The following PHKB variants were observed in gnomAD, a reference collection of about 807,000 sequenced individuals.
The protein encoded by PHKB is phosphorylase kinase regulatory subunit beta, also known as phosphorylase b kinase regulatory subunit beta.
Under a neutral mutation model 152.1 loss-of-function variants are expected in PHKB, and 122 were observed. The ratio of observed to expected loss-of-function variants is 0.80; its 90% CI spans 0.69 to 0.93. The LOEUF (loss-of-function observed/expected upper bound fraction) is 0.93. Ranked by LOEUF, PHKB falls within the 40% of genes least tolerant of loss-of-function variation. PHKB has a pLI of 0.00. For synonymous variants in PHKB, 436 were observed against 464.9 expected (o/e 0.94, Z 0.80); for missense variants, 1,304 against 1,328.4 (o/e 0.98, Z 0.29).
chr16:47,646,544 AC>A (rs1321535971), intron 16 of PHKB, among the ~76,000 whole-genome samples: 18 of 144,588 alleles, frequency 1.2e-4, no homozygotes, highest in African/African-American at 2.6e-4. Flanking sequence ...AAAAAAAAAA[AC>A]ATTAAAAATA....
intron 14 of PHKB, among the ~76,000 whole-genome samples, chr16:47,638,723 G>A (rs902089121): frequency 1.3e-5 from 2 of 152,192 alleles, no homozygotes; most frequent in African/African-American, 2.4e-5. Context: ...GGGACATTGT[G>A]TCATATTCGT....
At chr16:47,499,183 A>G (rs553827721) in intron 2 of PHKB, among the ~76,000 whole-genome samples, 4 of 152,316 alleles carry the variant, frequency 2.6e-5, no homozygotes, top group Non-Finnish European at 4.4e-5. Context: ...CCTAACCTGT[A>G]CAATAAAGTA....
Position 47,463,953 on chromosome 16 carries a change from T to A in PHKB, c.76+2527T>A, listed in dbSNP as rs1392358749. 2 of 1,613,922 alleles carry A rather than the reference T, an allele frequency of 1.2e-6. No individual in the cohort carries two copies. The highest frequency in any genetic ancestry group is 1.7e-6 in the Non-Finnish European group (2 of 1,179,858). On this transcript the variant is annotated intron_variant, in intron 1 of 30. Coordinates refer to ENST00000323584, the MANE Select transcript of PHKB (RefSeq NM_000293.3). ...AACAATTTGAAATGGCCTGCTCACC[T>A]GATGCAGTCGTCTCTCCGTCTTCCG...
intron 14 of PHKB, among the ~76,000 whole-genome samples, chr16:47,639,919 C>T (rs1474322432): frequency 6.6e-6 from 1 of 152,060 alleles, no homozygotes; most frequent in Non-Finnish European, 1.5e-5. Flanking sequence ...AGTTTTTTCT[C>T]ACCCTTTTGG....
At chr16:47,559,695 G>T (rs72800664) in intron 7 of PHKB, among the ~76,000 whole-genome samples, 4,450 of 152,246 alleles carry the variant, frequency 0.029, 141 homozygotes, top group East Asian at 0.095. Context: ...AGAGAGTTAG[G>T]TGGGAGCTGT....
chr16:47,631,090 C>A (rs1972817766), intron 14 of PHKB, among the ~76,000 whole-genome samples: 1 of 152,114 alleles, frequency 6.6e-6, no homozygotes, highest in South Asian at 2.1e-4. Flanking sequence ...TTGCCTGCCT[C>A]CGTAATTGTG....
chr16:47,598,934 G>C (rs2151703085), intron 13 of PHKB: 1 of 1,565,430 alleles, frequency 6.4e-7, no homozygotes, highest in East Asian at 2.2e-5. Flanking sequence ...AATATTCTTA[G>C]CCTCTCATGT....
intron 14 of PHKB, among the ~76,000 whole-genome samples, chr16:47,639,003 A>G (rs920072315): frequency 6.6e-6 from 1 of 152,144 alleles, no homozygotes; most frequent in African/African-American, 2.4e-5. Flanking sequence ...TGCTGGATGC[A>G]GTGGCTCACA....
At chr16:47,525,341 A>AG (rs1392062065) in intron 6 of PHKB, among the ~76,000 whole-genome samples, 1 of 152,226 alleles carries the variant, frequency 6.6e-6, no homozygotes, top group East Asian at 1.9e-4. Context: ...TTCTTCAATA[A>AG]GGCAGAGCAT....
chr16:47,522,698 C>CAA, intron 6 of PHKB, among the ~76,000 whole-genome samples: 1 of 151,910 alleles, frequency 6.6e-6, no homozygotes, highest in South Asian at 2.1e-4. Context: ...TTTCCCTCTA[C>CAA]TTATCTGCAT....
intron 20 of PHKB, among the ~76,000 whole-genome samples, chr16:47,654,271 A>C (rs1973292223): frequency 6.6e-6 from 1 of 152,232 alleles, no homozygotes; most frequent in African/African-American, 2.4e-5. Context: ...CACACCAGTT[A>C]AAATGGCGAT....
chr16:47,562,888 G>T (rs1971499884), intron 7 of PHKB, among the ~76,000 whole-genome samples: 1 of 152,272 alleles, frequency 6.6e-6, no homozygotes, highest in African/African-American at 2.4e-5. Flanking sequence ...TATCAGCTAA[G>T]TATGTGAAGC....
chr16:47,598,825 T>G, intron 13 of PHKB: 1 of 1,603,734 alleles, frequency 6.2e-7, no homozygotes, highest in Non-Finnish European at 8.5e-7. Flanking sequence ...TGGTTCCGCT[T>G]TAACCATAGC....
intron 1 of PHKB, among the ~76,000 whole-genome samples, chr16:47,480,686 C>T (rs1180852970): frequency 6.6e-6 from 1 of 152,068 alleles, no homozygotes; most frequent in Non-Finnish European, 1.5e-5. Context: ...GTCATAACTC[C>T]AGTTTTCATT....
chr16:47,665,285 CTTTTGAGGG>C, intron 25 of PHKB: 1 of 325,840 alleles, frequency 3.1e-6, no homozygotes, highest in African/African-American at 2.2e-5. Flanking sequence ...AGAATTTTTA[CTTTTGAGGG>C]AAAAAAATTG....
intron 28 of PHKB, among the ~76,000 whole-genome samples, chr16:47,695,940 G>A (rs1395711100): frequency 6.6e-6 from 1 of 151,568 alleles, no homozygotes; most frequent in East Asian, 2.0e-4. Context: ...TTGCTTGTTT[G>A]TATGCATTTT....
chr16:47,559,148 T>C (rs943713801), intron 7 of PHKB, among the ~76,000 whole-genome samples: 3 of 152,204 alleles, frequency 2.0e-5, no homozygotes, highest in African/African-American at 7.2e-5. Context: ...CGGGAACACA[T>C]TCTTAAGGAA....
At chr16:47,510,737 A>T (rs1289159246) in intron 4 of PHKB, among the ~76,000 whole-genome samples, 1 of 152,212 alleles carries the variant, frequency 6.6e-6, no homozygotes, top group African/African-American at 2.4e-5. Flanking sequence ...ATTTTTAAAG[A>T]TGGAGAGGAA....
Position 47,521,883 on chromosome 16 carries a change from A to G in PHKB, c.594+6282A>G, listed in dbSNP as rs751993769. ...TCATTGATTGATTTTCTTATTTTGA[A>G]CCCATCTAAAATATCTGGGATAAAT... On this transcript the variant is annotated intron_variant, in intron 6 of 30. Transcript: ENST00000323584. 1.4e-3 allele frequency among the ~76,000 whole-genome samples: 212 copies of G among 152,126 alleles called. 1 individual carries two copies. The highest frequency in any genetic ancestry group is 3.1e-3 in the Admixed American group (47 of 15,280).
Sources: allele counts gnomAD v4.1 joint callset (sites outside exome capture counted in the v4.1 genomes callset), GRCh38; gene constraint gnomAD v4.1.1; transcripts MANE v1.5; gene names NCBI Gene and HGNC (gene_info 2026-07-23, HGNC 2026-07-21).